The following LAMA3 variants were observed in gnomAD, a reference collection of about 807,000 sequenced individuals.
LAMA3 encodes the protein laminin subunit alpha 3, also known as laminin subunit alpha-3.
In LAMA3, 281 loss-of-function variants were observed where a neutral mutation model predicts 402.0. The observed-to-expected ratio is 0.70, with a 90% CI of 0.63 to 0.77. The LOEUF is 0.77. Ranked by LOEUF, LAMA3 falls within the 30% of genes least tolerant of loss-of-function variation. The pLI, the probability that LAMA3 is intolerant of heterozygous loss-of-function variation, is 0.00. For synonymous variants in LAMA3, 1,431 were observed against 1,558.4 expected (o/e 0.92, Z 1.93); for missense variants, 3,840 against 4,215.5 (o/e 0.91, Z 2.47).
At chr18:23,761,121 A>AT (rs2143712874) in intron 7 of LAMA3, among the ~76,000 whole-genome samples, 1 of 152,132 alleles carries the variant, frequency 6.6e-6, no homozygotes, top group African/African-American at 2.4e-5. Flanking sequence ...TTATATCCTA[A>AT]TTTTTTCACT....
Position 23,839,926 on chromosome 18 carries a change from G to A in LAMA3, c.3333G>A (p.Pro1111=), listed in dbSNP as rs549573984. The change falls in exon 27 of 75, where the codon CCG becomes CCA. Residue 1111 remains proline, a synonymous_variant. Transcript: ENST00000313654. The surrounding 1 kb of genome is among the most constrained non-coding windows in gnomAD (Gnocchi z 4.5). ...TTCCTGGGGTCACCTTGAAGGCACC[G>A]CAGGTAGTGTGCTGTTTCTAAACCA... ...DVLPGVTLKA[P]QNQVTLRGRV... 16 of 1,614,106 alleles carry A rather than the reference G, an allele frequency of 9.9e-6. No individual in the cohort carries two copies. The highest frequency in any genetic ancestry group is 4.4e-5 in the South Asian group (4 of 91,074).
At chr18:23,943,724 A>G in intron 68 of LAMA3, 64 bp from the exon 69 acceptor site, 4 of 1,480,174 alleles carry the variant, frequency 2.7e-6, no homozygotes, top group Non-Finnish European at 2.8e-6. Flanking sequence ...CCTCTGTCTC[A>G]GTGCTGAGAT....
At chr18:23,811,414 C>A (rs1460451509) in intron 13 of LAMA3, among the ~76,000 whole-genome samples, 1 of 152,194 alleles carries the variant, frequency 6.6e-6, no homozygotes, top group Non-Finnish European at 1.5e-5. Context: ...TAACCAGAAT[C>A]CTCTGGAGAC....
Position 23,894,942 on chromosome 18 carries a change from C to A in LAMA3, c.5497C>A (p.Leu1833Met), listed in dbSNP as rs774009965. ...CTGTGTGATGACCCTCCTGAACGAC[C>A]TGGCCACCATGGGCGAGCAGCTCCG... ...DSCVMTLLND[L>M]ATMGEQLRLV... Residue 1833 changes from leucine (L) to methionine (M), a missense_variant, in exon 44 of 75, where the codon CTG becomes ATG. By Grantham distance (15) the Leu-to-Met change is conservative (BLOSUM62 2). Coordinates refer to ENST00000313654, the MANE Select transcript of LAMA3 (RefSeq NM_198129.4). 1.2e-6 allele frequency: 2 copies of A among 1,614,226 alleles called. No individual in the cohort carries two copies. Among genetic ancestry groups the A allele is most frequent in the African/African-American group, 1.3e-5 (1 of 75,070 alleles).
At chr18:23,851,354 G>C (rs1169363967) in intron 32 of LAMA3, among the ~76,000 whole-genome samples, 1 of 152,164 alleles carries the variant, frequency 6.6e-6, no homozygotes, top group Non-Finnish European at 1.5e-5. Context: ...CATTTCACTG[G>C]CTTCATTTTT....
At chr18:23,820,067 G>T in intron 19 of LAMA3, 70 bp downstream of exon 19, 4 of 1,465,650 alleles carry the variant, frequency 2.7e-6, no homozygotes, top group Non-Finnish European at 3.8e-6. Flanking sequence ...GTCTCAGGGA[G>T]CCCCCTGAAA....
intron 60 of LAMA3, 126 bp downstream of exon 60, chr18:23,916,821 C>G (rs2081642918): frequency 2.1e-6 from 2 of 931,828 alleles, no homozygotes; most frequent in East Asian, 2.5e-5. Context: ...TACCTGCATC[C>G]TTTTCCTCCA....
rs1353200436 is a variant in LAMA3 at position 23,758,375 on chromosome 18, G to A, written c.948-21G>A. The A allele has an allele frequency of 4.4e-6, 7 of 1,587,538 alleles. No individual in the cohort carries two copies. The South Asian group carries it at 6.7e-5, about 15-fold the overall frequency. On this transcript the variant is annotated intron_variant, in intron 6 of 74. Coordinates refer to ENST00000313654, the MANE Select transcript of LAMA3 (RefSeq NM_198129.4). ...ATCAAAACTTTTCAATAACTGAGAT[G>A]CACTTCGCCCACATGCCCAGGTTTC...
chr18:23,951,548 T>C (rs2288593), intron 72 of LAMA3, 136 bp from the exon 73 acceptor site: 101,879 of 694,336 alleles, frequency 0.15, 14,555 homozygotes, highest in East Asian at 0.61. Context: ...GTCAAATGCT[T>C]CAAAAGCGGA....
Position 23,933,773 on chromosome 18 carries a change from T to G in LAMA3, c.8709-9T>G. On this transcript the variant is annotated splice_polypyrimidine_tract_variant and intron_variant, in intron 66 of 74. Coordinates refer to ENST00000313654, the MANE Select transcript of LAMA3 (RefSeq NM_198129.4). ...TTGGCAGCATCTTTCATTTCTGCTC[T>G]TTTTCCAGGTTATCACTGAGTCCTG... 6.2e-7 allele frequency: 1 copy of G among 1,613,948 alleles called. No individual in the cohort carries two copies. Among genetic ancestry groups the G allele is most frequent in the South Asian group, 1.1e-5 (1 of 91,078 alleles).
intron 17 of LAMA3, 125 bp downstream of exon 17, chr18:23,815,698 T>C (rs1192279840): frequency 6.6e-6 from 5 of 752,888 alleles, no homozygotes; most frequent in Non-Finnish European, 1.2e-5. Context: ...TGAAACATTC[T>C]GTCCAGGGAA....
chr18:23,953,749 C>T (rs2083011535), intron 74 of LAMA3, among the ~76,000 whole-genome samples: 1 of 152,158 alleles, frequency 6.6e-6, no homozygotes, highest in African/African-American at 2.4e-5. Flanking sequence ...CTGTCCTCTT[C>T]AGGTATTTAG....
intron 7 of LAMA3, among the ~76,000 whole-genome samples, chr18:23,760,855 A>G (rs1020801328): frequency 3.3e-5 from 5 of 152,178 alleles, no homozygotes; most frequent in African/African-American, 1.2e-4. Context: ...TTTCTGGTTC[A>G]TAGATGCCAC....
chr18:23,694,316 C>T (rs1181596314), intron 1 of LAMA3, among the ~76,000 whole-genome samples: 1 of 152,180 alleles, frequency 6.6e-6, no homozygotes, highest in Admixed American at 6.5e-5. Context: ...GCACCATATA[C>T]TGTGCATACT....
intron 2 of LAMA3, among the ~76,000 whole-genome samples, chr18:23,728,053 G>C (rs1887609709): frequency 6.6e-6 from 1 of 152,160 alleles, no homozygotes; most frequent in African/African-American, 2.4e-5. Context: ...CTTTTCTTCA[G>C]AGCTTCAGAG....
chr18:23,939,528 C>A, intron 68 of LAMA3, 142 bp downstream of exon 68: 1 of 898,484 alleles, frequency 1.1e-6, no homozygotes, highest in Non-Finnish European at 1.8e-6. Flanking sequence ...AGGTGCTGGC[C>A]TGCACAGGAC....
At chr18:23,885,147 C>T (rs1384903661) in intron 41 of LAMA3, among the ~76,000 whole-genome samples, 1 of 150,694 alleles carries the variant, frequency 6.6e-6, no homozygotes, top group Non-Finnish European at 1.5e-5. Flanking sequence ...CAACCCCCGA[C>T]ACCTCCCTAC....
Position 23,838,777 on chromosome 18 carries a change from C to T in LAMA3, c.3094-4C>T, listed in dbSNP as rs762534834. ...TGCCTTTGTGCATTGTATTTGCTCA[C>T]TAGCATCAAGTTTGTATCATACCTA... On this transcript the variant is annotated splice_polypyrimidine_tract_variant and splice_region_variant and intron_variant, in intron 25 of 74. Transcript: ENST00000313654. 1 of 1,576,984 alleles carries T rather than the reference C, an allele frequency of 6.3e-7. No individual in the cohort carries two copies. The highest frequency in any genetic ancestry group is 8.7e-7 in the Non-Finnish European group (1 of 1,146,146).
rs989691863 is a variant in LAMA3 at position 23,836,846 on chromosome 18, C to A, written c.2985-135C>A. 9.9e-6 allele frequency: 7 copies of A among 705,848 alleles called. No homozygotes were observed. The African/African-American group carries it at 1.2e-4, about 12-fold the overall frequency. The allele number at this position is 705,848 out of a possible 1,614,324, so 43.7% of individuals were successfully genotyped here. A position where few individuals can be genotyped will look rare whatever the true frequency, so the allele number is the denominator to read the frequency against. On this transcript the variant is annotated intron_variant, in intron 24 of 74. Coordinates refer to ENST00000313654, the MANE Select transcript of LAMA3 (RefSeq NM_198129.4). ...CGAGCTGCATCCTTCTTCAACTCAT[C>A]ATGCAGGAAAATTCACTATAATTCA...
Sources: allele counts gnomAD v4.1 joint callset (sites outside exome capture counted in the v4.1 genomes callset), GRCh38; gene constraint gnomAD v4.1.1; non-coding constraint Gnocchi (gnomAD v3.1); transcripts MANE v1.5; gene names NCBI Gene and HGNC (gene_info 2026-07-23, HGNC 2026-07-21).